The following CSMD1 variants were observed in gnomAD, a reference collection of about 807,000 sequenced individuals.
CSMD1 encodes the protein CUB and Sushi multiple domains 1.
Under a neutral mutation model 417.5 loss-of-function variants are expected in CSMD1, and 213 were observed. The ratio of observed to expected loss-of-function variants is 0.51; its 90% CI spans 0.46 to 0.57. CSMD1 has a LOEUF of 0.57. CSMD1 is among the 20% of genes least tolerant of loss of function. CSMD1 has a pLI of 0.00. For missense variants in CSMD1, 6,923 were observed against 4,529.7 expected (o/e 1.53, Z -15.17); for synonymous variants, 2,862 against 1,736.8 (o/e 1.65, Z -16.11).
intron 16 of CSMD1, among the ~76,000 whole-genome samples, chr8:3,397,235 C>A (rs570854640): frequency 1.3e-5 from 2 of 152,158 alleles, no homozygotes; most frequent in African/African-American, 2.4e-5. Context: ...GACTCTGACT[C>A]ACTCAGTCAC....
At chr8:3,962,702 G>T (rs1812409912) in intron 5 of CSMD1, among the ~76,000 whole-genome samples, 1 of 152,122 alleles carries the variant, frequency 6.6e-6, no homozygotes. Context: ...GTGCAGAGGT[G>T]CGGCCCTTTC....
rs73179612 is a variant in CSMD1, at chr8:4,782,247, G to C, written c.86-144689C>G. 7.3e-3 allele frequency among the ~76,000 whole-genome samples: 1,115 copies of C among 152,114 alleles called. 15 individuals are homozygous for C. Among genetic ancestry groups the C allele is most frequent in the African/African-American group, 0.026 (1,062 of 41,506 alleles). On this transcript the variant is annotated intron_variant, in intron 1 of 69. Transcript: ENST00000635120. The stretch of plus-strand genomic sequence containing the variant: ...TATATCTCAAAATAGCTAGAAAAGA[G>C]GGTTTTCAATATCCTTACCAAAAGT...
chr8:4,156,281 G>T (rs1029128764), intron 3 of CSMD1, among the ~76,000 whole-genome samples: 1 of 152,040 alleles, frequency 6.6e-6, no homozygotes, highest in African/African-American at 2.4e-5. Context: ...AGAGTTGATG[G>T]GGTTGAAAAT....
At chr8:3,539,157 T>C (rs1798333459) in intron 10 of CSMD1, among the ~76,000 whole-genome samples, 1 of 152,150 alleles carries the variant, frequency 6.6e-6, no homozygotes. Flanking sequence ...CATACCAAGA[T>C]GTTCTGGCCG....
intron 41 of CSMD1, among the ~76,000 whole-genome samples, chr8:3,141,656 A>C (rs113821176): frequency 0.047 from 7,090 of 152,116 alleles, 558 homozygotes; most frequent in African/African-American, 0.16. Flanking sequence ...CACCACCCAA[A>C]CCGGTAATCT....
At chr8:4,632,480 C>G (rs1449265929) in intron 2 of CSMD1, among the ~76,000 whole-genome samples, 2 of 152,126 alleles carry the variant, frequency 1.3e-5, no homozygotes, top group Admixed American at 6.6e-5. Flanking sequence ...CCATTGCACT[C>G]CAGCCTGGGT....
At chr8:3,648,620 G>A (rs779190461) in intron 7 of CSMD1, among the ~76,000 whole-genome samples, 19 of 152,138 alleles carry the variant, frequency 1.2e-4, no homozygotes, top group Non-Finnish European at 2.5e-4. Flanking sequence ...TCCCAAGAAC[G>A]AGTTTCTCTA....
At chr8:3,538,702 T>C (rs1428937989) in intron 10 of CSMD1, among the ~76,000 whole-genome samples, 16 of 152,238 alleles carry the variant, frequency 1.1e-4, no homozygotes. Context: ...CCTGCCATCT[T>C]TGATTGCCCC....
chr8:3,642,636 G>C lies in CSMD1; in HGVS notation c.1010-25839C>G, dbSNP rs148527029. Among the ~76,000 whole-genome samples the C allele has an allele frequency of 9.9e-5, 15 of 152,272 alleles. No homozygotes were observed. In the East Asian group the frequency reaches 2.9e-3, roughly 29 times the overall value. ...TGGCATCGTGAGTGGAAGTAGGCAG[G>C]TTAACGGACGGTCGATGGAGAGATT... On this transcript the variant is annotated intron_variant, in intron 7 of 69. Coordinates refer to ENST00000635120, the MANE Select transcript of CSMD1 (RefSeq NM_033225.6).
At chr8:3,899,117 C>T (rs750150027) in intron 5 of CSMD1, among the ~76,000 whole-genome samples, 4 of 152,190 alleles carry the variant, frequency 2.6e-5, no homozygotes, top group Non-Finnish European at 5.9e-5. Flanking sequence ...TAAGTACTGA[C>T]TGGCGCCATG....
chr8:3,240,013 T>C (rs986309949), intron 26 of CSMD1, among the ~76,000 whole-genome samples: 5 of 151,920 alleles, frequency 3.3e-5, no homozygotes, highest in Admixed American at 2.6e-4. Flanking sequence ...ATTTTGGAAG[T>C]TATGAGAACT....
At chr8:4,135,425 G>C (rs924481872) in intron 3 of CSMD1, among the ~76,000 whole-genome samples, 1 of 142,364 alleles carries the variant, frequency 7.0e-6, no homozygotes, top group Non-Finnish European at 1.5e-5. Flanking sequence ...GGAAGGAAGG[G>C]GAAGGAGGGA....
At position 4,010,215 on chromosome 8, in the gene CSMD1, C is replaced by T. The variant is rs139063716; in HGVS notation, c.611-12105G>A. On this transcript the variant is annotated intron_variant, in intron 4 of 69. Coordinates refer to ENST00000635120, the MANE Select transcript of CSMD1 (RefSeq NM_033225.6). Reference sequence around the variant, plus strand: ...GTCCTGCTGGCAGACTGTGCCCACCCACATGCATCTCATGGCTACTTCCAG... The same window carrying T: ...GTCCTGCTGGCAGACTGTGCCCACCTACATGCATCTCATGGCTACTTCCAG... Among the ~76,000 whole-genome samples, 853 of 152,220 alleles carry T rather than the reference C, an allele frequency of 5.6e-3. 12 individuals carry two copies. The highest frequency in any genetic ancestry group is 0.019 in the African/African-American group (784 of 41,530).
Position 3,052,532 on chromosome 8 carries a change from G to A in CSMD1, c.7590C>T (p.Ser2530=). 6.2e-7 allele frequency: 1 copy of A among 1,605,966 alleles called. No individual in the cohort carries two copies. The highest frequency in any genetic ancestry group is 8.5e-7 in the Non-Finnish European group (1 of 1,176,068). ...CTTGACACACGGCTGTTGCTTGCTG[G>A]CTGGATTCAAGCTTGAAGCCCTCAT... ...ECHEGFKLES[S]QQATAVCQED... The change falls in exon 50 of 70, where the codon AGC becomes AGT. Residue 2530 remains serine (S), a synonymous_variant. Coordinates refer to ENST00000635120, the MANE Select transcript of CSMD1 (RefSeq NM_033225.6).
intron 2 of CSMD1, among the ~76,000 whole-genome samples, chr8:4,459,341 T>A (rs922663026): frequency 6.6e-6 from 1 of 152,144 alleles, no homozygotes; most frequent in African/African-American, 2.4e-5. Flanking sequence ...ACCAAGACAA[T>A]CAAGCTCTCA....
intron 25 of CSMD1, among the ~76,000 whole-genome samples, chr8:3,285,421 C>G (rs1011063499): frequency 6.7e-6 from 1 of 149,784 alleles, no homozygotes; most frequent in African/African-American, 2.5e-5. Context: ...GGATGTCGCT[C>G]CCTCTCCTAG....
chr8:4,206,655 G>C (rs1299535286), intron 3 of CSMD1, among the ~76,000 whole-genome samples: 3 of 152,176 alleles, frequency 2.0e-5, no homozygotes, highest in African/African-American at 7.2e-5. Context: ...ATGTGTGCAT[G>C]TGTCTTTACA....
In CSMD1 at chr8:3,893,339, T is replaced by TTATATATGTATATATATATATA. The variant is rs1231999334; in HGVS notation, c.818+104563_818+104564insTATATATATATATACATATATA. On this transcript the variant is annotated intron_variant, in intron 5 of 69. Transcript: ENST00000635120. ...TCCCAAACTAATAATATTCACAATT[T>TTATATATGTATATATATATATA]TATATATATATATATATATATATTA... Among the ~76,000 whole-genome samples the TTATATATGTATATATATATATA allele has an allele frequency of 1.1e-3, 90 of 80,460 alleles. 7 individuals are homozygous for TTATATATGTATATATATATATA. The highest frequency in any genetic ancestry group is 0.011 in the East Asian group (33 of 2,996). 52.8% of individuals were successfully genotyped at this position (80,460 alleles called of 152,430 possible).
chr8:3,244,699 A>G (rs981656108), intron 26 of CSMD1, among the ~76,000 whole-genome samples: 5 of 152,166 alleles, frequency 3.3e-5, no homozygotes, highest in African/African-American at 1.2e-4. Context: ...ATCACCCTGG[A>G]CGGTGAATGG....
Sources: gnomAD v4.1 joint callset for allele counts (sites outside exome capture counted in the v4.1 genomes callset) on GRCh38, gnomAD v4.1.1 for gene constraint, MANE v1.5 for transcripts, NCBI Gene and HGNC (gene_info 2026-07-23, HGNC 2026-07-21) for gene names.